LCLAT1: variants seen among roughly 807,000 people sequenced by gnomAD.
LCLAT1 encodes 1-AGP acyltransferase 8.
Under a neutral mutation model 30.7 loss-of-function variants are expected in LCLAT1, and 11 were observed. The observed-to-expected ratio is 0.36, with a 90% CI of 0.23 to 0.59. LCLAT1 has a LOEUF of 0.59. LCLAT1 is among the 20% of genes least tolerant of loss of function. The pLI, the probability that LCLAT1 is intolerant of heterozygous loss-of-function variation, is 0.77. For synonymous variants in LCLAT1, 155 were observed against 151.3 expected (o/e 1.02, Z -0.18); for missense variants, 402 against 458.6 (o/e 0.88, Z 1.13).
At chr2:30,579,639 G>A (rs1666130795) in intron 5 of LCLAT1, among the ~76,000 whole-genome samples, 1 of 152,068 alleles carries the variant, frequency 6.6e-6, no homozygotes, top group African/African-American at 2.4e-5. Context: ...AAAGAAATTG[G>A]GAGAGTGTAG....
chr2:30,493,872 G>T (rs1310549863), intron 1 of LCLAT1, among the ~76,000 whole-genome samples: 5 of 152,082 alleles, frequency 3.3e-5, no homozygotes, highest in Non-Finnish European at 7.4e-5. Context: ...AAATAGTTTT[G>T]ACTGGGCGAA....
At chr2:30,547,313 G>T (rs1454621047) in intron 3 of LCLAT1, among the ~76,000 whole-genome samples, 1 of 152,068 alleles carries the variant, frequency 6.6e-6, no homozygotes, top group African/African-American at 2.4e-5. Context: ...TAAGATTATG[G>T]TATCCTATTA....
intron 2 of LCLAT1, among the ~76,000 whole-genome samples, chr2:30,526,210 G>T (rs1685712894): frequency 6.6e-6 from 1 of 151,558 alleles, no homozygotes; most frequent in African/African-American, 2.4e-5. Flanking sequence ...ATTTTTTTCT[G>T]CCTTATTCTC....
At chr2:30,506,896 A>C (rs145998311) in intron 1 of LCLAT1, among the ~76,000 whole-genome samples, 22 of 152,306 alleles carry the variant, frequency 1.4e-4, no homozygotes, top group African/African-American at 4.8e-4. Flanking sequence ...TTATGGAAAA[A>C]AACAATCAGT....
intron 5 of LCLAT1, among the ~76,000 whole-genome samples, chr2:30,622,008 G>A (rs548705195): frequency 6.6e-6 from 1 of 152,302 alleles, no homozygotes; most frequent in African/African-American, 2.4e-5. Context: ...CTCAGTGAGG[G>A]GGGTTGTAGC....
chr2:30,520,414 C>T (rs1050748665), intron 1 of LCLAT1, among the ~76,000 whole-genome samples: 1 of 152,120 alleles, frequency 6.6e-6, no homozygotes, highest in African/African-American at 2.4e-5. Context: ...TATTTAACTA[C>T]AGATGTAATA....
intron 5 of LCLAT1, among the ~76,000 whole-genome samples, chr2:30,570,144 G>C (rs1421608688): frequency 6.6e-6 from 1 of 152,138 alleles, no homozygotes; most frequent in Non-Finnish European, 1.5e-5. Flanking sequence ...GTAGCAAACT[G>C]ATTTATAACT....
chr2:30,531,242 G>T (rs1166886902), intron 2 of LCLAT1, among the ~76,000 whole-genome samples: 1 of 152,116 alleles, frequency 6.6e-6, no homozygotes, highest in African/African-American at 2.4e-5. Context: ...TCCAGCCTGG[G>T]CGACAGAGTG....
At chr2:30,566,411 T>C (rs984801153) in intron 4 of LCLAT1, among the ~76,000 whole-genome samples, 3 of 152,136 alleles carry the variant, frequency 2.0e-5, no homozygotes, top group Non-Finnish European at 4.4e-5. Flanking sequence ...GCCCAGGATA[T>C]CCTCAAATGA....
chr2:30,490,907 C>T (rs1338887857), intron 1 of LCLAT1, among the ~76,000 whole-genome samples: 2 of 152,064 alleles, frequency 1.3e-5, no homozygotes, highest in Non-Finnish European at 2.9e-5. Flanking sequence ...AAAATACACA[C>T]CAGATTTCAA....
chr2:30,556,540 T>A (rs1664926339), intron 3 of LCLAT1, among the ~76,000 whole-genome samples: 1 of 150,994 alleles, frequency 6.6e-6, no homozygotes, highest in South Asian at 2.1e-4. Flanking sequence ...AAAATCCCAA[T>A]AAATGTGAAC....
intron 1 of LCLAT1, among the ~76,000 whole-genome samples, chr2:30,523,003 A>G (rs1685548121): frequency 6.6e-6 from 1 of 152,138 alleles, no homozygotes; most frequent in Non-Finnish European, 1.5e-5. Context: ...ACATCAAATC[A>G]GAAATTGGTG....
At chr2:30,524,335 A>C (rs959539081) in intron 1 of LCLAT1, among the ~76,000 whole-genome samples, 1 of 152,220 alleles carries the variant, frequency 6.6e-6, no homozygotes. Flanking sequence ...CAAGTACCCA[A>C]GATGTTATTT....
intron 1 of LCLAT1, among the ~76,000 whole-genome samples, chr2:30,491,250 A>G (rs1683821781): frequency 6.6e-6 from 1 of 152,254 alleles, no homozygotes; most frequent in Non-Finnish European, 1.5e-5. Context: ...TTGATAAAAT[A>G]TATTAATTGA....
intron 5 of LCLAT1, among the ~76,000 whole-genome samples, chr2:30,585,604 A>G (rs1666399145): frequency 6.6e-6 from 1 of 151,970 alleles, no homozygotes; most frequent in African/African-American, 2.4e-5. Context: ...GGCTGTTTTT[A>G]CTCTCATTAA....
intron 3 of LCLAT1, among the ~76,000 whole-genome samples, chr2:30,537,206 C>T (rs1032520352): frequency 2.0e-5 from 3 of 151,882 alleles, no homozygotes; most frequent in Non-Finnish European, 4.4e-5. Context: ...AAGGTGAAAC[C>T]CCGTCTCTAC....
chr2:30,594,967 T>C (rs1666865310), intron 5 of LCLAT1, among the ~76,000 whole-genome samples: 1 of 152,230 alleles, frequency 6.6e-6, no homozygotes, highest in Non-Finnish European at 1.5e-5. Context: ...TCAGTTATTC[T>C]GGTCTCCAGA....
intron 1 of LCLAT1, among the ~76,000 whole-genome samples, chr2:30,495,849 G>GGT (rs1429227014): frequency 1.3e-5 from 2 of 152,100 alleles, no homozygotes; most frequent in Admixed American, 1.3e-4. Flanking sequence ...TTTTTGATGA[G>GGT]GTAGGTGGTT....
intron 1 of LCLAT1, among the ~76,000 whole-genome samples, chr2:30,450,544 A>G (rs575325952): frequency 2.0e-5 from 3 of 152,322 alleles, no homozygotes; most frequent in Non-Finnish European, 4.4e-5. Flanking sequence ...TAGGTTTTGA[A>G]TATATTTGTA....
Sources: allele counts gnomAD v4.1 joint callset (sites outside exome capture counted in the v4.1 genomes callset), GRCh38; gene constraint gnomAD v4.1.1; transcripts MANE v1.5; gene names NCBI Gene and HGNC (gene_info 2026-07-23, HGNC 2026-07-21).